ANKFY1: variants seen among roughly 807,000 people sequenced by gnomAD.
The protein encoded by ANKFY1 is ankyrin repeat and FYVE domain containing 1, also known as ankyrin repeat and FYVE domain-containing protein 1.
Under a neutral mutation model 128.3 loss-of-function variants are expected in ANKFY1, and 47 were observed. The ratio of observed to expected loss-of-function variants is 0.37; its 90% CI spans 0.29 to 0.47. The LOEUF (loss-of-function observed/expected upper bound fraction) is 0.47, where lower values mean the gene tolerates loss of function less well. Among genes scored for constraint, ANKFY1 ranks in the 20% least tolerant of loss-of-function variants. The pLI, the probability that ANKFY1 is intolerant of heterozygous loss-of-function variation, is 1.00. For missense variants in ANKFY1, 1,222 were observed against 1,510.6 expected, an observed-to-expected ratio of 0.81 and a Z score of 3.17; for synonymous variants, 553 against 601.6, an observed-to-expected ratio of 0.92 and a Z score of 1.18.
chr17:4,208,416 C>T (rs1046723027), intron 5 of ANKFY1, among the ~76,000 whole-genome samples: 1 of 152,180 alleles, frequency 6.6e-6, no homozygotes, highest in African/African-American at 2.4e-5. Context: ...GCCATGCATA[C>T]CTCTAACAGG....
At chr17:4,244,452 T>G (rs1465172151) in intron 1 of ANKFY1, among the ~76,000 whole-genome samples, 1 of 152,030 alleles carries the variant, frequency 6.6e-6, no homozygotes, top group African/African-American at 2.4e-5. Flanking sequence ...GATAGGGGGT[T>G]TATGCAACCA....
chr17:4,202,160 T>C (rs2059939233), intron 7 of ANKFY1, among the ~76,000 whole-genome samples: 1 of 151,940 alleles, frequency 6.6e-6, no homozygotes, highest in Non-Finnish European at 1.5e-5. Context: ...CCCAGCACTT[T>C]GGGAGGCCGA....
chr17:4,177,067 A>T, intron 19 of ANKFY1, 59 bp downstream of exon 19: 1 of 1,432,750 alleles, frequency 7.0e-7, no homozygotes, highest in Non-Finnish European at 9.3e-7. Context: ...GATTCTGCAC[A>T]AGCTCTACAA....
Position 4,183,870 on chromosome 17 carries a change from C to G in ANKFY1, c.1740G>C (p.Pro580=), listed in dbSNP as rs773951458. Residue 580 remains proline (P), a synonymous_variant, in exon 13 of 25, where the codon CCG becomes CCC. Coordinates refer to ENST00000341657, the MANE Select transcript of ANKFY1 (RefSeq NM_001330063.2). The part of the protein sequence containing the change: ...LHATNNLQII[P]DFSLKDSRDQ... ...CTCGGGAATCTTTGAGGCTGAAGTCCGGAATGATCTGCAAGTTGTTGGTGG... is the reference window on the plus strand; with the variant it reads ...CTCGGGAATCTTTGAGGCTGAAGTCGGGAATGATCTGCAAGTTGTTGGTGG... 6.2e-7 allele frequency: 1 copy of G among 1,613,988 alleles called. No homozygotes were observed. The highest frequency in any genetic ancestry group is 2.2e-5 in the East Asian group (1 of 44,886).
At chr17:4,211,592 G>T (rs1367134834) in intron 4 of ANKFY1, among the ~76,000 whole-genome samples, 1 of 152,006 alleles carries the variant, frequency 6.6e-6, no homozygotes, top group Non-Finnish European at 1.5e-5. Flanking sequence ...ACACGGCCAG[G>T]TGCAAAGGCT....
intron 7 of ANKFY1, among the ~76,000 whole-genome samples, chr17:4,199,241 G>A (rs2059883660): frequency 6.6e-6 from 1 of 152,224 alleles, no homozygotes; most frequent in Admixed American, 6.5e-5. Context: ...ACCCAGGCTG[G>A]TGCACTGGCA....
chr17:4,186,515 A>T (rs1288744563), intron 11 of ANKFY1: 1 of 151,906 alleles, frequency 6.6e-6, no homozygotes, highest in Non-Finnish European at 1.5e-5. Context: ...ACATGTTTTT[A>T]TTGCTGCCTC....
At chr17:4,210,949 T>C (rs188350055) in intron 4 of ANKFY1, among the ~76,000 whole-genome samples, 3 of 151,704 alleles carry the variant, frequency 2.0e-5, no homozygotes, top group Admixed American at 6.6e-5. Flanking sequence ...GGAGAATTGC[T>C]TGAACCCAGG....
intron 1 of ANKFY1, among the ~76,000 whole-genome samples, chr17:4,262,478 T>C (rs1201414683): frequency 6.6e-6 from 1 of 152,068 alleles, no homozygotes; most frequent in East Asian, 1.9e-4. Flanking sequence ...CCCAGGCTGC[T>C]CTTGAACTCC....
At chr17:4,207,109 TATCTAACCACAGAGGGCCCGACCC>T (rs1361097370) in intron 6 of ANKFY1, among the ~76,000 whole-genome samples, 9 of 151,804 alleles carry the variant, frequency 5.9e-5, no homozygotes, top group Admixed American at 6.6e-5. Flanking sequence ...AGGCCCGACC[TATCTAACCACAGAGGGCCCGACCC>T]ATCTAACCAC....
In ANKFY1 at chr17:4,252,911, T is replaced by C. The variant is rs566462688; in HGVS notation, c.11-10463A>G. Among the ~76,000 whole-genome samples the C allele has an allele frequency of 1.4e-3, 208 of 152,136 alleles. 1 individual carries two copies. The highest frequency in any genetic ancestry group is 4.7e-3 in the African/African-American group (195 of 41,480). On this transcript the variant is annotated intron_variant, in intron 1 of 24. Coordinates refer to ENST00000341657, the MANE Select transcript of ANKFY1 (RefSeq NM_001330063.2). ...AGGTACAGATGTATCTCAAAAGCAA[T>C]ATGCTACGTGAAAGGAGCCAGGCAA...
chr17:4,173,779 C>T (rs1181057419), intron 20 of ANKFY1, 130 bp downstream of exon 20: 3 of 1,275,648 alleles, frequency 2.4e-6, no homozygotes, highest in Non-Finnish European at 3.3e-6. Flanking sequence ...CTACCCAGAG[C>T]ACTTCCTGTC....
intron 3 of ANKFY1, among the ~76,000 whole-genome samples, chr17:4,233,488 G>C (rs1426684940): frequency 6.6e-6 from 1 of 152,150 alleles, no homozygotes; most frequent in Non-Finnish European, 1.5e-5. Context: ...CACATGTGTA[G>C]GTGTGTATGT....
chr17:4,165,897 A>AACTT lies in ANKFY1; in HGVS notation c.*1878_*1881dup, dbSNP rs1480788025. On this transcript the variant is annotated 3_prime_UTR_variant, in exon 25 of 25. Transcript: ENST00000341657. Reference sequence around the variant, plus strand: ...CCGAATCATGATTCTCTTACTTTCTAACTTAGGTAACCAAGCTACCTAAGC... The same window carrying AACTT: ...CCGAATCATGATTCTCTTACTTTCTAACTTACTTAGGTAACCAAGCTACCTAAGC... 3 of 152,214 alleles carry AACTT rather than the reference A, an allele frequency of 2.0e-5. No homozygotes were observed. Among genetic ancestry groups the AACTT allele is most frequent in the Admixed American group, 6.5e-5 (1 of 15,278 alleles). 9.4% of individuals were successfully genotyped at this position (152,214 alleles called of 1,614,324 possible). A position where few individuals can be genotyped will look rare whatever the true frequency, so the allele number is the denominator to read the frequency against.
At chr17:4,195,653 T>G (rs1258736350) in intron 8 of ANKFY1, among the ~76,000 whole-genome samples, 182 bp from the exon 9 acceptor site, 1 of 152,100 alleles carries the variant, frequency 6.6e-6, no homozygotes, top group East Asian at 1.9e-4. Context: ...TATGTGACCA[T>G]TATTCAGCGG....
At chr17:4,228,097 A>G (rs754038989) in intron 3 of ANKFY1, among the ~76,000 whole-genome samples, 8 of 152,220 alleles carry the variant, frequency 5.3e-5, no homozygotes, top group Non-Finnish European at 1.2e-4. Context: ...AATGTCCATC[A>G]ACAGGTAAAT....
Position 4,206,405 on chromosome 17 carries a change from C to T in ANKFY1, c.814G>A (p.Ala272Thr). The T allele has an allele frequency of 1.2e-6, 2 of 1,614,204 alleles. No individual in the cohort carries two copies. The highest frequency in any genetic ancestry group is 1.7e-6 in the Non-Finnish European group (2 of 1,180,022). The change falls in exon 7 of 25, where the codon GCC (alanine) becomes ACC (threonine). Residue 272 changes from alanine to threonine, a missense_variant. Ala to Thr is a moderately conservative substitution (Grantham distance 58, BLOSUM62 0). Coordinates refer to ENST00000341657, the MANE Select transcript of ANKFY1 (RefSeq NM_001330063.2). ...GCTTTGTGACTAACCAGCGTGGTGG[C>T]AATACTCTCCAGTCGTCGTGAGAGG... ...LALSRRLESI[A>T]TTLVSHKADV...
Position 4,189,492 on chromosome 17 carries a change from G to A in ANKFY1, c.1373-13C>T. Reference sequence around the variant, plus strand: ...AGTAAACAGTTTCCTAAAAGAAAATGGGCATTGCTGATTCTTCTGTTTGCA... The same window carrying A: ...AGTAAACAGTTTCCTAAAAGAAAATAGGCATTGCTGATTCTTCTGTTTGCA... On this transcript the variant is annotated splice_polypyrimidine_tract_variant and intron_variant, in intron 10 of 24. Coordinates refer to ENST00000341657, the MANE Select transcript of ANKFY1 (RefSeq NM_001330063.2). 1 of 1,561,106 alleles carries A rather than the reference G, an allele frequency of 6.4e-7. No individual in the cohort carries two copies. Among genetic ancestry groups the A allele is most frequent in the Non-Finnish European group, 8.7e-7 (1 of 1,148,834 alleles).
chr17:4,213,670 G>C (rs751530475), intron 4 of ANKFY1, among the ~76,000 whole-genome samples: 4 of 150,362 alleles, frequency 2.7e-5, no homozygotes, highest in South Asian at 2.1e-4. Flanking sequence ...AGGTTCATGC[G>C]ATTCTCCTGT....
Sources: allele counts gnomAD v4.1 joint callset (sites outside exome capture counted in the v4.1 genomes callset), GRCh38; gene constraint gnomAD v4.1.1; transcripts MANE v1.5; gene names NCBI Gene and HGNC (gene_info 2026-07-23, HGNC 2026-07-21).